The following OPCML variants were observed in gnomAD, a reference collection of about 807,000 sequenced individuals.
OPCML encodes opioid-binding protein/cell adhesion molecule.
A neutral mutation model predicts 37.8 loss-of-function variants in OPCML; 13 were observed. That is an observed-to-expected ratio of 0.34 (90% CI 0.22 to 0.55). The LOEUF (loss-of-function observed/expected upper bound fraction) is 0.55. Ranked by LOEUF, OPCML falls within the 20% of genes least tolerant of loss-of-function variation. The probability of loss-of-function intolerance (pLI) is 0.91; values close to 1 mark genes in which losing one functional copy is unlikely to be tolerated. For missense variants in OPCML, 341 were observed against 435.6 expected (o/e 0.78, Z 1.93); for synonymous variants, 176 against 168.8 (o/e 1.04, Z -0.33).
chr11:132,858,863 G>A (rs913838977), intron 2 of OPCML, among the ~76,000 whole-genome samples: 12 of 152,124 alleles, frequency 7.9e-5, no homozygotes, highest in Admixed American at 3.9e-4. Flanking sequence ...AAAGGTAGCC[G>A]ACTATGAGGT....
At chr11:133,035,652 C>T (rs1469722791) in intron 1 of OPCML, among the ~76,000 whole-genome samples, 2 of 152,142 alleles carry the variant, frequency 1.3e-5, no homozygotes, top group East Asian at 3.9e-4. Context: ...AAAAAATGTA[C>T]ATGTCAAAGT....
chr11:133,025,263 A>G, intron 1 of OPCML: 1 of 859,880 alleles, frequency 1.2e-6, no homozygotes, highest in Non-Finnish European at 1.4e-6. Flanking sequence ...ATCTCTTCTC[A>G]CCTGTGAGTT....
Position 132,436,673 on chromosome 11 carries a change from G to T in OPCML, c.750C>A (p.Phe250Leu). The stretch of plus-strand genomic sequence containing the variant: ...TTAAAAGGTACCTGGTTTCTTCCTT[G>T]AACCACTGGAATTCAGCCATGGGGA... ...SAVPMAEFQW[F>L]KEETRLATGL... Residue 250 changes from phenylalanine (F) to leucine (L), a missense_variant, in exon 6 of 8, where the codon TTC becomes TTA. By Grantham distance (22) the Phe-to-Leu change is conservative. Transcript: ENST00000524381. 6.2e-7 allele frequency: 1 copy of T among 1,614,096 alleles called. No homozygotes were observed. Among genetic ancestry groups the T allele is most frequent in the Non-Finnish European group, 8.5e-7 (1 of 1,180,018 alleles).
chr11:132,983,365 G>C (rs1946626970), intron 1 of OPCML, among the ~76,000 whole-genome samples: 1 of 152,196 alleles, frequency 6.6e-6, no homozygotes, highest in African/African-American at 2.4e-5. Flanking sequence ...TTTAATAAAA[G>C]CCTCTCAGTT....
intron 1 of OPCML, among the ~76,000 whole-genome samples, chr11:133,358,799 T>TG (rs1307182604): frequency 6.6e-6 from 1 of 151,946 alleles, no homozygotes; most frequent in South Asian, 2.1e-4. Context: ...GAGCCCTGAA[T>TG]GGGGGGAAGG....
intron 1 of OPCML, among the ~76,000 whole-genome samples, chr11:133,404,716 A>T (rs1238107785): frequency 6.6e-6 from 1 of 152,246 alleles, no homozygotes; most frequent in Non-Finnish European, 1.5e-5. Context: ...TAGGGACATT[A>T]GAATTAGGCT....
At chr11:132,686,558 A>G (rs981646782) in intron 2 of OPCML, among the ~76,000 whole-genome samples, 1 of 152,210 alleles carries the variant, frequency 6.6e-6, no homozygotes, top group Non-Finnish European at 1.5e-5. Context: ...AAATAGTTTC[A>G]GTTTATGGCC....
At position 133,140,976 on chromosome 11, in the gene OPCML, AGAAGAAGAAGAAGAAGAAGAAGAC is replaced by A. The variant is rs1949798499; in HGVS notation, c.62-197990_62-197967del. Among the ~76,000 whole-genome samples the A allele has an allele frequency of 5.5e-4, 2 of 3,638 alleles. 1 individual carries two copies. The highest frequency in any genetic ancestry group is 9.0e-4 in the African/African-American group (2 of 2,218). The allele number at this position is 3,638 out of a possible 152,430, so 2.4% of individuals were successfully genotyped here. A position where few individuals can be genotyped will look rare whatever the true frequency, so the allele number is the denominator to read the frequency against. ...AAGAAGAAGAAGAAGAAGAAGAAGA[AGAAGAAGAAGAAGAAGAAGAAGAC>A]GACGACGACGACGACGACGACGACG... On this transcript the variant is annotated intron_variant, in intron 1 of 7. Coordinates refer to ENST00000524381, the MANE Select transcript of OPCML (RefSeq NM_001012393.5).
At chr11:132,457,273 C>G (rs1160734899) in intron 4 of OPCML, among the ~76,000 whole-genome samples, 1 of 152,182 alleles carries the variant, frequency 6.6e-6, no homozygotes, top group Non-Finnish European at 1.5e-5. Context: ...GCCTTGAACA[C>G]AGTCGTAGGG....
chr11:132,986,669 C>A (rs996266399), intron 1 of OPCML, among the ~76,000 whole-genome samples: 4 of 152,106 alleles, frequency 2.6e-5, no homozygotes, highest in African/African-American at 7.2e-5. Flanking sequence ...TGTAAGGGTT[C>A]TGTATCTGTA....
At chr11:133,226,556 T>C (rs1168658189) in intron 1 of OPCML, among the ~76,000 whole-genome samples, 1 of 152,228 alleles carries the variant, frequency 6.6e-6, no homozygotes, top group Non-Finnish European at 1.5e-5. Flanking sequence ...AGGCATCTCT[T>C]CCTGTTCATG....
chr11:132,590,352 A>C (rs2096482388), intron 3 of OPCML, among the ~76,000 whole-genome samples: 1 of 150,420 alleles, frequency 6.6e-6, no homozygotes, highest in African/African-American at 2.5e-5. Flanking sequence ...TGCCTCCCCC[A>C]GGACCACATC....
chr11:132,736,936 G>C (rs1300905600), intron 2 of OPCML, among the ~76,000 whole-genome samples: 1 of 152,148 alleles, frequency 6.6e-6, no homozygotes, highest in African/African-American at 2.4e-5. Flanking sequence ...TTGGTATATA[G>C]CAATAGATAA....
At chr11:133,182,604 C>T (rs1196331034) in intron 1 of OPCML, among the ~76,000 whole-genome samples, 2 of 152,092 alleles carry the variant, frequency 1.3e-5, no homozygotes, top group East Asian at 1.9e-4. Flanking sequence ...GGAAAAAATG[C>T]CAAGTGCTGG....
chr11:133,313,060 C>A (rs143391259), intron 1 of OPCML, among the ~76,000 whole-genome samples: 1 of 152,314 alleles, frequency 6.6e-6, no homozygotes, highest in East Asian at 1.9e-4. Context: ...CATAAGCCTG[C>A]ACTACCGTTT....
chr11:133,018,747 G>A (rs1245825660), intron 1 of OPCML, among the ~76,000 whole-genome samples: 3 of 152,164 alleles, frequency 2.0e-5, no homozygotes, highest in East Asian at 3.9e-4. Context: ...AGAATGTGCC[G>A]GGGCACACAG....
At chr11:132,534,065 G>A (rs1019564578) in intron 3 of OPCML, among the ~76,000 whole-genome samples, 1 of 152,204 alleles carries the variant, frequency 6.6e-6, no homozygotes. Flanking sequence ...TGTGTCAAGT[G>A]TTTCCCATCC....
rs370785015 is a variant in OPCML, at chr11:132,449,684, C to T, written c.506-12325G>A. Reference sequence around the variant, plus strand: ...TACGGCAGCTCAGCACCAACAGGTTCAGAGGTGCCAAATGGAAGCTGAGGA... The same window carrying T: ...TACGGCAGCTCAGCACCAACAGGTTTAGAGGTGCCAAATGGAAGCTGAGGA... On this transcript the variant is annotated intron_variant, in intron 4 of 7. Coordinates refer to ENST00000524381, the MANE Select transcript of OPCML (RefSeq NM_001012393.5). Among the ~76,000 whole-genome samples, 187 of 152,280 alleles carry T rather than the reference C, an allele frequency of 1.2e-3. 1 individual carries two copies. The highest frequency in any genetic ancestry group is 4.1e-3 in the African/African-American group (172 of 41,566).
At chr11:133,340,626 G>T (rs1237325275) in intron 1 of OPCML, among the ~76,000 whole-genome samples, 1 of 151,008 alleles carries the variant, frequency 6.6e-6, no homozygotes, top group Non-Finnish European at 1.5e-5. Context: ...GTGTGTGTGT[G>T]TGTGTGTGTG....
Sources: allele counts gnomAD v4.1 joint callset (sites outside exome capture counted in the v4.1 genomes callset), GRCh38; gene constraint gnomAD v4.1.1; transcripts MANE v1.5; gene names NCBI Gene and HGNC (gene_info 2026-07-23, HGNC 2026-07-21).